Variants in TBC1D5 observed in about 807,000 individuals in gnomAD.
TBC1D5 encodes TBC1 domain family member 5.
TBC1D5 carries 75 observed loss-of-function variants against 100.3 expected under a neutral mutation model. That is an observed-to-expected ratio of 0.75 (90% CI 0.62 to 0.91). The LOEUF is 0.91. Among genes scored for constraint, TBC1D5 ranks in the 40% least tolerant of loss-of-function variants. The pLI, the probability that TBC1D5 is intolerant of heterozygous loss-of-function variation, is 0.00. For synonymous variants in TBC1D5, 323 were observed against 325.6 expected (o/e 0.99, Z 0.09); for missense variants, 910 against 942.4 (o/e 0.97, Z 0.45).
intron 4 of TBC1D5, among the ~76,000 whole-genome samples, chr3:17,417,437 C>A (rs182898695): frequency 7.5e-5 from 11 of 147,192 alleles, no homozygotes; most frequent in Non-Finnish European, 1.2e-4. Flanking sequence ...TGAGAATATG[C>A]GGTGTTTGGC....
rs530817775 is a variant in TBC1D5, at chr3:17,215,434, G to A, written c.1589-1064C>T. Among the ~76,000 whole-genome samples, 11 of 152,216 alleles carry A rather than the reference G, an allele frequency of 7.2e-5. No individual in the cohort carries two copies. The South Asian group carries it at 2.3e-3, about 32-fold the overall frequency. ...CCTAAGCAAGAAGAATGATGGAGCGGCTATTTACTGAGGTGGGGAAGAGTG... is the reference window on the plus strand; with the variant it reads ...CCTAAGCAAGAAGAATGATGGAGCGACTATTTACTGAGGTGGGGAAGAGTG... On this transcript the variant is annotated intron_variant, in intron 17 of 21. Transcript: ENST00000253692.
At chr3:17,326,621 C>T (rs2086180480) in intron 13 of TBC1D5, among the ~76,000 whole-genome samples, 9 of 152,134 alleles carry the variant, frequency 5.9e-5, no homozygotes. Context: ...CACAGGTATT[C>T]ACCACGCCCT....
chr3:17,528,185 A>C (rs542226109), intron 2 of TBC1D5, among the ~76,000 whole-genome samples: 2 of 152,134 alleles, frequency 1.3e-5, no homozygotes, highest in African/African-American at 4.8e-5. Context: ...TCAGCCTCCC[A>C]AAGTGCTGAG....
chr3:17,186,333 A>G (rs1230732190), intron 18 of TBC1D5, among the ~76,000 whole-genome samples: 1 of 152,218 alleles, frequency 6.6e-6, no homozygotes, highest in Non-Finnish European at 1.5e-5. Context: ...CAATATGTAC[A>G]TGCAGCACTG....
chr3:17,625,641 T>C (rs573253052), intron 1 of TBC1D5, among the ~76,000 whole-genome samples: 2 of 152,214 alleles, frequency 1.3e-5, no homozygotes, highest in East Asian at 3.9e-4. Context: ...TATTTGCAAA[T>C]ACAATAATTT....
chr3:17,489,515 T>A (rs1423579878), intron 3 of TBC1D5, among the ~76,000 whole-genome samples: 1 of 152,184 alleles, frequency 6.6e-6, no homozygotes, highest in Non-Finnish European at 1.5e-5. Context: ...CAAGTGTTTG[T>A]CATTCCCCTC....
At chr3:17,423,054 T>C (rs1331567072) in intron 4 of TBC1D5, among the ~76,000 whole-genome samples, 1 of 152,146 alleles carries the variant, frequency 6.6e-6, no homozygotes, top group Non-Finnish European at 1.5e-5. Flanking sequence ...TTGAACAGCC[T>C]TTGACTTGGT....
intron 1 of TBC1D5, among the ~76,000 whole-genome samples, chr3:17,651,802 A>G (rs541557201): frequency 3.9e-5 from 6 of 152,286 alleles, no homozygotes; most frequent in Non-Finnish European, 7.3e-5. Context: ...GGTGAGGAGA[A>G]GGTCAGGAGT....
chr3:17,425,327 C>T (rs180983818), intron 4 of TBC1D5, among the ~76,000 whole-genome samples: 1 of 152,236 alleles, frequency 6.6e-6, no homozygotes, highest in East Asian at 1.9e-4. Context: ...TATGTTTAAA[C>T]ATTGTTTTTA....
chr3:17,480,781 T>C (rs2095492300), intron 3 of TBC1D5, among the ~76,000 whole-genome samples: 1 of 152,168 alleles, frequency 6.6e-6, no homozygotes, highest in Non-Finnish European at 1.5e-5. Flanking sequence ...ATGACCTGCC[T>C]ACGGAAAGGA....
chr3:17,174,638 G>C (rs1418840113), intron 19 of TBC1D5, among the ~76,000 whole-genome samples: 1 of 152,156 alleles, frequency 6.6e-6, no homozygotes, highest in East Asian at 1.9e-4. Context: ...CTGTTGCCCA[G>C]GCTGGAGTGC....
At chr3:17,200,174 C>A (rs1234947322) in intron 18 of TBC1D5, among the ~76,000 whole-genome samples, 1 of 152,186 alleles carries the variant, frequency 6.6e-6, no homozygotes, top group Admixed American at 6.5e-5. Flanking sequence ...CTATATTTTG[C>A]TGTTAAAGTT....
intron 1 of TBC1D5, among the ~76,000 whole-genome samples, chr3:17,671,419 G>C (rs899095728): frequency 2.6e-5 from 4 of 152,152 alleles, no homozygotes; most frequent in Admixed American, 6.5e-5. Flanking sequence ...TAAACCTCAA[G>C]CATCATCATC....
At chr3:17,170,740 T>C (rs1050155401) in intron 19 of TBC1D5, among the ~76,000 whole-genome samples, 1 of 152,054 alleles carries the variant, frequency 6.6e-6, no homozygotes, top group African/African-American at 2.4e-5. Flanking sequence ...GGCAAGGACC[T>C]AGAAGGCACT....
intron 1 of TBC1D5, among the ~76,000 whole-genome samples, chr3:17,731,843 ATTAAT>A (rs1049657084): frequency 1.3e-5 from 2 of 152,262 alleles, no homozygotes; most frequent in Admixed American, 1.3e-4. Context: ...TAAAAAAAAA[ATTAAT>A]TTAATTAAAA....
chr3:17,223,388 G>A (rs1156991282), intron 17 of TBC1D5, among the ~76,000 whole-genome samples: 1 of 152,128 alleles, frequency 6.6e-6, no homozygotes, highest in Non-Finnish European at 1.5e-5. Context: ...TTTGCAAAAT[G>A]CTTGTCCATG....
intron 1 of TBC1D5, among the ~76,000 whole-genome samples, chr3:17,737,601 A>G (rs536767282): frequency 1.3e-5 from 2 of 152,284 alleles, no homozygotes; most frequent in South Asian, 4.1e-4. Context: ...GATCTAATAC[A>G]TGCACTCATA....
At chr3:17,319,400 A>C (rs2085086609) in intron 13 of TBC1D5, among the ~76,000 whole-genome samples, 1 of 151,376 alleles carries the variant, frequency 6.6e-6, no homozygotes, top group Non-Finnish European at 1.5e-5. Context: ...ATTAAAATGG[A>C]AACTATGTGG....
chr3:17,216,247 TA>T (rs1275547404), intron 17 of TBC1D5, among the ~76,000 whole-genome samples: 1 of 152,112 alleles, frequency 6.6e-6, no homozygotes, highest in African/African-American at 2.4e-5. Flanking sequence ...GGTTTTGAAC[TA>T]ACATCATGCT....
Sources: gnomAD v4.1 joint callset for allele counts (sites outside exome capture counted in the v4.1 genomes callset) on GRCh38, gnomAD v4.1.1 for gene constraint, MANE v1.5 for transcripts, NCBI Gene and HGNC (gene_info 2026-07-23, HGNC 2026-07-21) for gene names.